Variants in CTNNA3 observed in about 807,000 individuals in gnomAD.
CTNNA3 encodes the protein catenin alpha-3.
Under a neutral mutation model 95.7 loss-of-function variants are expected in CTNNA3, and 76 were observed. The ratio of observed to expected loss-of-function variants is 0.79; its 90% CI spans 0.66 to 0.96. CTNNA3 has a LOEUF of 0.96. Ranked by LOEUF, CTNNA3 falls within the 40% of genes least tolerant of loss-of-function variation. CTNNA3 has a pLI of 0.00. For missense variants in CTNNA3, 1,191 were observed against 1,089.8 expected, an observed-to-expected ratio of 1.09 and a Z score of -1.31; for synonymous variants, 431 against 374.4, an observed-to-expected ratio of 1.15 and a Z score of -1.74.
chr10:66,476,404 T>C (rs1349918259), intron 11 of CTNNA3, among the ~76,000 whole-genome samples: 1 of 152,062 alleles, frequency 6.6e-6, no homozygotes, highest in Admixed American at 6.6e-5. Flanking sequence ...AGAACACAAT[T>C]GACAACAGAT....
At chr10:66,016,112 G>C (rs146941497) in intron 15 of CTNNA3, among the ~76,000 whole-genome samples, 41 of 152,274 alleles carry the variant, frequency 2.7e-4, no homozygotes, top group African/African-American at 9.1e-4. Context: ...GAACATGAAA[G>C]TGCATTCCAA....
At chr10:67,266,459 G>T (rs1000969930) in intron 5 of CTNNA3, among the ~76,000 whole-genome samples, 11 of 151,636 alleles carry the variant, frequency 7.3e-5, no homozygotes, top group African/African-American at 2.7e-4. Context: ...TCCCCCTCTG[G>T]CACAAGACTG....
At chr10:67,233,075 C>T (rs193285170) in intron 5 of CTNNA3, among the ~76,000 whole-genome samples, 3 of 152,176 alleles carry the variant, frequency 2.0e-5, no homozygotes, top group African/African-American at 4.8e-5. Flanking sequence ...GACTTTAACA[C>T]CCCACTGTCA....
intron 13 of CTNNA3, among the ~76,000 whole-genome samples, chr10:66,252,796 C>T (rs2090614008): frequency 6.6e-6 from 1 of 152,150 alleles, no homozygotes; most frequent in African/African-American, 2.4e-5. Flanking sequence ...AGGATGATGG[C>T]CACATTTCTG....
chr10:66,514,491 C>G (rs1055386344), intron 11 of CTNNA3, among the ~76,000 whole-genome samples: 1 of 152,176 alleles, frequency 6.6e-6, no homozygotes. Flanking sequence ...AATCAGAACA[C>G]TCCACAATAA....
chr10:65,988,584 GA>G (rs1210086647), intron 16 of CTNNA3, 107 bp downstream of exon 16: 2 of 740,312 alleles, frequency 2.7e-6, no homozygotes, highest in Admixed American at 2.6e-5. Context: ...TTATAATTTA[GA>G]AAAAATGGTT....
chr10:66,556,432 T>G (rs1842391893), intron 10 of CTNNA3, among the ~76,000 whole-genome samples: 1 of 152,092 alleles, frequency 6.6e-6, no homozygotes, highest in Non-Finnish European at 1.5e-5. Flanking sequence ...TGCAACTTTA[T>G]TCACAACAGC....
chr10:66,893,999 T>C (rs917392594), intron 7 of CTNNA3, among the ~76,000 whole-genome samples: 1 of 152,124 alleles, frequency 6.6e-6, no homozygotes, highest in Non-Finnish European at 1.5e-5. Context: ...ACTGGTATCA[T>C]CTACAAATTT....
chr10:66,790,410 T>C (rs1314814069), intron 7 of CTNNA3, among the ~76,000 whole-genome samples: 1 of 152,030 alleles, frequency 6.6e-6, no homozygotes, highest in Non-Finnish European at 1.5e-5. Flanking sequence ...TGAGCCGAGA[T>C]TGCACCACTG....
At chr10:66,830,830 C>T (rs1049743168) in intron 7 of CTNNA3, among the ~76,000 whole-genome samples, 3 of 152,030 alleles carry the variant, frequency 2.0e-5, no homozygotes, top group African/African-American at 7.2e-5. Context: ...AGGATGGTCT[C>T]TATCTCCTGA....
At position 66,309,906 on chromosome 10, in the gene CTNNA3, A is replaced by AAAATAAAT. The variant is rs140451350; in HGVS notation, c.1733-29293_1733-29286dup. 4.3e-3 allele frequency among the ~76,000 whole-genome samples: 585 copies of AAAATAAAT among 135,844 alleles called. 4 individuals carry two copies. Among genetic ancestry groups the AAAATAAAT allele is most frequent in the South Asian group, 0.01 (43 of 4,214 alleles). 89.1% of individuals were successfully genotyped at this position (135,844 alleles called of 152,430 possible). A position where few individuals can be genotyped will look rare whatever the true frequency, so the allele number is the denominator to read the frequency against. On this transcript the variant is annotated intron_variant, in intron 12 of 17. Transcript: ENST00000433211. ...AACCCCGTCTCTACCAAAGATACAA[A>AAAATAAAT]AAATAAATAAATAAATAAATAAATA...
At chr10:66,567,343 G>T (rs1026206915) in intron 10 of CTNNA3, among the ~76,000 whole-genome samples, 7 of 152,074 alleles carry the variant, frequency 4.6e-5, no homozygotes, top group Admixed American at 6.6e-5. Flanking sequence ...TCCCTGGCCT[G>T]GCGAGGTGGA....
At chr10:66,243,707 T>A (rs2090194797) in intron 13 of CTNNA3, among the ~76,000 whole-genome samples, 1 of 152,208 alleles carries the variant, frequency 6.6e-6, no homozygotes, top group African/African-American at 2.4e-5. Context: ...TTTCAGAGTC[T>A]CCTGAGGCTG....
chr10:66,445,466 A>G (rs954466454), intron 11 of CTNNA3, among the ~76,000 whole-genome samples: 4 of 152,180 alleles, frequency 2.6e-5, no homozygotes, highest in African/African-American at 9.7e-5. Context: ...AAATTATAAC[A>G]AACTGTCTCT....
intron 11 of CTNNA3, among the ~76,000 whole-genome samples, chr10:66,517,513 C>T (rs147836753): frequency 1.3e-5 from 2 of 152,112 alleles, no homozygotes; most frequent in African/African-American, 4.8e-5. Context: ...ACACTGCCAT[C>T]AGCCCCATGA....
chr10:67,059,029 TAAG>T (rs1431771680), intron 7 of CTNNA3, among the ~76,000 whole-genome samples: 10 of 152,348 alleles, frequency 6.6e-5, no homozygotes, highest in African/African-American at 1.9e-4. Context: ...TGCAGCCTTC[TAAG>T]AAGGACATTT....
chr10:66,926,533 C>A, intron 7 of CTNNA3: 1 of 1,610,656 alleles, frequency 6.2e-7, no homozygotes, highest in Non-Finnish European at 8.5e-7. Flanking sequence ...ATGCAACTGG[C>A]CCCTAAGCCA....
chr10:67,539,603 G>T lies in CTNNA3; in HGVS notation c.359C>A (p.Ala120Asp). The T allele has an allele frequency of 6.2e-7, 1 of 1,613,822 alleles. No homozygotes were observed. The highest frequency in any genetic ancestry group is 8.5e-7 in the Non-Finnish European group (1 of 1,179,810). ...DDPCFLPKRE[A>D]VVQAARALLA... ...CAAGGCACGGGCAGCTTGAACCACA[G>T]CCTCCCTTTTTGGGAGAAAACAGGG... Residue 120 changes from alanine to aspartate, a missense_variant, in exon 4 of 18, where the codon GCT becomes GAT. Ala to Asp is a moderately radical substitution (Grantham distance 126). Coordinates refer to ENST00000433211, the MANE Select transcript of CTNNA3 (RefSeq NM_013266.4).
intron 7 of CTNNA3, among the ~76,000 whole-genome samples, chr10:66,845,725 A>AAAAAAAAAC (rs1160996707): frequency 1.0e-5 from 1 of 100,340 alleles, no homozygotes; most frequent in African/African-American, 3.4e-5. Context: ...AAAAAAAAAA[A>AAAAAAAAAC]AAAACTAAAA....
Sources: allele counts gnomAD v4.1 joint callset (sites outside exome capture counted in the v4.1 genomes callset), GRCh38; gene constraint gnomAD v4.1.1; transcripts MANE v1.5; gene names NCBI Gene and HGNC (gene_info 2026-07-23, HGNC 2026-07-21).